RSRP1: variants seen among roughly 807,000 people sequenced by gnomAD.
RSRP1 encodes the protein arginine and serine rich protein 1.
Under a neutral mutation model 33.0 loss-of-function variants are expected in RSRP1, and 37 were observed. That is an observed-to-expected ratio of 1.12 (90% CI 0.86 to 1.48). The LOEUF (loss-of-function observed/expected upper bound fraction) is 1.48, where lower values mean the gene tolerates loss of function less well. RSRP1 is among the 40% of genes most tolerant of loss of function. The pLI, the probability that RSRP1 is intolerant of heterozygous loss-of-function variation, is 0.00. For missense variants in RSRP1, 402 were observed against 385.3 expected (o/e 1.04, Z -0.36); for synonymous variants, 167 against 158.7 (o/e 1.05, Z -0.40).
At chr1:25,316,748 G>T (rs1268380622) in intron 1 of RSRP1, among the ~76,000 whole-genome samples, 1 of 114,224 alleles carries the variant, frequency 8.8e-6, no homozygotes, top group Non-Finnish European at 2.1e-5. Flanking sequence ...CTCCTGGTCT[G>T]GTTCATTATC....
chr1:25,321,772 G>T, intron 1 of RSRP1: 2 of 517,948 alleles, frequency 3.9e-6, no homozygotes, highest in East Asian at 2.8e-5. Context: ...TTCAATTGTG[G>T]GAGAAAAAGG....
At chr1:25,263,877 A>G (rs1356483904) in intron 1 of RSRP1, among the ~76,000 whole-genome samples, 1 of 152,110 alleles carries the variant, frequency 6.6e-6, no homozygotes. Flanking sequence ...CATTGGGTAA[A>G]TACAGCCATT....
At chr1:25,244,609 A>G in intron 3 of RSRP1, 2 of 1,262,946 alleles carry the variant, frequency 1.6e-6, no homozygotes, top group Non-Finnish European at 2.0e-6. Flanking sequence ...ATAGCTTAGA[A>G]AAACTAGTAA....
intron 1 of RSRP1, among the ~76,000 whole-genome samples, chr1:25,333,855 C>T (rs1645047009): frequency 7.6e-6 from 1 of 130,838 alleles, no homozygotes; most frequent in African/African-American, 2.6e-5. Context: ...TTAGACTTAT[C>T]ACTATCACGA....
chr1:25,315,652 A>G (rs2124087627), intron 1 of RSRP1, among the ~76,000 whole-genome samples: 1 of 122,522 alleles, frequency 8.2e-6, no homozygotes, highest in South Asian at 2.5e-4. Context: ...GCCTGCCACC[A>G]CTCCCGGCTA....
chr1:25,296,315 C>T (rs528581151), intron 1 of RSRP1, among the ~76,000 whole-genome samples: 2 of 123,906 alleles, frequency 1.6e-5, no homozygotes, highest in South Asian at 2.5e-4. Context: ...GGTGTGATCT[C>T]GGCTCACTGC....
chr1:25,281,897 A>G (rs1485386033), intron 1 of RSRP1, among the ~76,000 whole-genome samples: 1 of 132,422 alleles, frequency 7.6e-6, no homozygotes, highest in African/African-American at 2.6e-5. Context: ...GTATGTTTCA[A>G]TGGAAGTGAA....
chr1:25,262,512 A>T (rs962550940), intron 1 of RSRP1, among the ~76,000 whole-genome samples: 2 of 152,220 alleles, frequency 1.3e-5, no homozygotes, highest in Non-Finnish European at 2.9e-5. Flanking sequence ...GATATATAAA[A>T]GAGGGTTTAT....
chr1:25,338,178 C>T (rs1433594308), upstream of RSRP1: 6 of 152,146 alleles, frequency 3.9e-5, no homozygotes, highest in Admixed American at 3.9e-4. Flanking sequence ...ACTAGCACTC[C>T]CGACGTCCAG....
chr1:25,337,014 G>GT (rs1645090611), intron 1 of RSRP1: 1 of 154,320 alleles, frequency 6.5e-6, no homozygotes, highest in East Asian at 1.8e-4. Context: ...GAACCTGTGC[G>GT]TATCTCTTAA....
rs532085654 is a variant in RSRP1, at chr1:25,331,188, G to A, written c.-67+6790C>T. 3.1e-5 allele frequency among the ~76,000 whole-genome samples: 4 copies of A among 127,712 alleles called. 1 individual carries two copies. Among genetic ancestry groups the A allele is most frequent in the Non-Finnish European group, 5.5e-5 (3 of 54,320 alleles). 83.8% of individuals were successfully genotyped at this position (127,712 alleles called of 152,430 possible). On this transcript the variant is annotated intron_variant, in intron 1 of 1. Coordinates refer to the RSRP1 transcript ENST00000561867. Reference sequence around the variant, plus strand: ...TCACCATATTGGCCAGGCTGGTCTCGAACTCCTGACCTTGTCATCTGCCTG... The same window carrying A: ...TCACCATATTGGCCAGGCTGGTCTCAAACTCCTGACCTTGTCATCTGCCTG...
At chr1:25,300,124 C>A (rs1253750335) in intron 1 of RSRP1, among the ~76,000 whole-genome samples, 1 of 131,310 alleles carries the variant, frequency 7.6e-6, no homozygotes, top group East Asian at 1.9e-4. Flanking sequence ...TCACTCATCA[C>A]TCCCGCAGAG....
intron 3 of RSRP1, 37 bp from the exon 4 acceptor site, chr1:25,243,670 A>G (rs1639094150): frequency 6.2e-7 from 1 of 1,609,648 alleles, no homozygotes; most frequent in South Asian, 1.1e-5. Flanking sequence ...TTTAAAACAC[A>G]TACCCTTGGT....
At chr1:25,250,703 GT>G (rs1639750415), upstream of RSRP1, among the ~76,000 whole-genome samples, 1 of 152,158 alleles carries the variant, frequency 6.6e-6, no homozygotes, top group South Asian at 2.1e-4. Context: ...TCCATGCCCT[GT>G]TGCTGCTTCT....
intron 1 of RSRP1, among the ~76,000 whole-genome samples, chr1:25,331,697 A>G (rs1645011420): frequency 8.6e-6 from 1 of 116,336 alleles, no homozygotes; most frequent in Non-Finnish European, 2.0e-5. Context: ...TCTCCCGAGT[A>G]GCTGGGACTA....
At position 25,246,465 on chromosome 1, in the gene RSRP1, G is replaced by T. The variant is rs764475868; in HGVS notation, c.499C>A (p.Pro167Thr). ...CCACCTTTTTCACTTAAGCGAAAGG[G>T]GGTTCTGCTCCGCGACCTCGTCCTG... Reference protein sequence around the residue: ...RSRTRSRSRTPFRLSEKDRME... With the variant: ...RSRTRSRSRTTFRLSEKDRME... Residue 167 changes from proline to threonine, a missense_variant, in exon 2 of 5, where the codon CCC (proline) becomes ACC (threonine). Transcript: ENST00000243189. 6 of 1,613,608 alleles carry T rather than the reference G, an allele frequency of 3.7e-6. No homozygotes were observed. In the Admixed American group the frequency reaches 6.7e-5, roughly 18 times the overall value.
In RSRP1 at chr1:25,300,364, T is replaced by C. The variant is rs1643289834; in HGVS notation, c.-67+37614A>G. Among the ~76,000 whole-genome samples the C allele has an allele frequency of 1.5e-5, 2 of 129,586 alleles. 1 individual carries two copies. The highest frequency in any genetic ancestry group is 5.3e-5 in the African/African-American group (2 of 37,460). The allele number at this position is 129,586 out of a possible 152,430, so 85.0% of individuals were successfully genotyped here. ...CCATCTTTACACAAAATTTAAAAAT[T>C]GGCCAGGCATGGTTGTACATTCCTG... On this transcript the variant is annotated intron_variant, in intron 1 of 1. Coordinates refer to the RSRP1 transcript ENST00000561867.
intron 1 of RSRP1, among the ~76,000 whole-genome samples, chr1:25,286,658 C>T (rs562950262): frequency 2.2e-5 from 3 of 133,988 alleles, no homozygotes; most frequent in East Asian, 1.9e-4. Flanking sequence ...TGGTGGTGGG[C>T]GCCTGTAGTC....
In RSRP1 at chr1:25,267,919, T is replaced by C. The variant is rs1051678517; in HGVS notation, c.-66-20890A>G. On this transcript the variant is annotated intron_variant, in intron 1 of 1. Coordinates refer to the RSRP1 transcript ENST00000561867. ...CAGCGCCCGGGCATGCGCAGACGCG[T>C]TGTTGTGGTGGGCGTGGCTCCCTCC... 1.6e-4 allele frequency: 21 copies of C among 132,552 alleles called. 4 individuals carry two copies. Among genetic ancestry groups the C allele is most frequent in the Middle Eastern group, 8.3e-3 (2 of 242 alleles). The allele number at this position is 132,552 out of a possible 1,614,324, so 8.2% of individuals were successfully genotyped here.
Sources: gnomAD v4.1 joint callset for allele counts (sites outside exome capture counted in the v4.1 genomes callset) on GRCh38, gnomAD v4.1.1 for gene constraint, MANE v1.5 for transcripts, NCBI Gene and HGNC (gene_info 2026-07-23, HGNC 2026-07-21) for gene names.